DSC2: variants seen among roughly 807,000 people sequenced by gnomAD.
DSC2 encodes desmocollin 2.
Under a neutral mutation model 87.6 loss-of-function variants are expected in DSC2, and 51 were observed. That is an observed-to-expected ratio of 0.58 (90% CI 0.46 to 0.74). DSC2 has a LOEUF of 0.74. DSC2 is among the 30% of genes least tolerant of loss of function. The probability of loss-of-function intolerance (pLI) is 0.00; values close to 1 mark genes in which losing one functional copy is unlikely to be tolerated. For synonymous variants in DSC2, 383 were observed against 393.2 expected (o/e 0.97, Z 0.31); for missense variants, 1,066 against 1,089.5 (o/e 0.98, Z 0.30).
Position 31,087,727 on chromosome 18 carries a change from G to A in DSC2, c.717C>T (p.Asn239=), listed in dbSNP as rs768598370. The A allele has an allele frequency of 2.5e-6, 4 of 1,613,770 alleles. No homozygotes were observed. The South Asian group carries it at 4.4e-5, about 18-fold the overall frequency. ...LIIKIEDEND[N]YPIFTEETYT... is the part of the protein sequence containing the mutation. ...AAGTTTCTTCTGTAAAAATTGGGTA[G>A]TTATCATTTTCATCCTCTATTTTGA... is the stretch of plus-strand genomic sequence containing the variant. The change falls in exon 6 of 16, where the codon AAC becomes AAT. Residue 239 remains asparagine, a synonymous_variant. Transcript: ENST00000280904.
In DSC2 at chr18:31,067,615, CTT is replaced by C. The variant is rs1986667710; in HGVS notation, c.*398_*399del. 4.6e-6 allele frequency: 1 copy of C among 215,948 alleles called. No individual in the cohort carries two copies. The highest frequency in any genetic ancestry group is 2.4e-5 in the African/African-American group (1 of 42,016). 13.4% of individuals were successfully genotyped at this position (215,948 alleles called of 1,614,324 possible). On this transcript the variant is annotated 3_prime_UTR_variant, in exon 16 of 16. Coordinates refer to ENST00000280904, the MANE Select transcript of DSC2 (RefSeq NM_024422.6). ...ACAGTTTCCAAGCACCACATGAACA[CTT>C]AATTAACTGGAGATAATGTTAAAGC... is the stretch of plus-strand genomic sequence containing the variant.
chr18:31,090,610 T>G (rs1280933029), intron 4 of DSC2, among the ~76,000 whole-genome samples: 1 of 151,974 alleles, frequency 6.6e-6, no homozygotes, highest in Non-Finnish European at 1.5e-5. Flanking sequence ...GAAAGAAATG[T>G]GGATCCAGTG....
Position 31,092,100 on chromosome 18 carries a change from C to A in DSC2, c.354+1G>T, listed in dbSNP as rs764016208. The A allele has an allele frequency of 6.2e-7, 1 of 1,610,580 alleles. No individual in the cohort carries two copies. Reference sequence around the variant, plus strand: ...TTCTTCATTTATGTAGCCTTGTATACCTTTGTTTGATGCTCCAAAAAGACA... The same window carrying A: ...TTCTTCATTTATGTAGCCTTGTATAACTTTGTTTGATGCTCCAAAAAGACA... On this transcript the variant is annotated splice_donor_variant, in intron 3 of 15. Transcript: ENST00000280904. LOFTEE classifies it high-confidence loss of function.
chr18:31,081,473 A>G (rs1486390037), intron 9 of DSC2, among the ~76,000 whole-genome samples: 2 of 152,206 alleles, frequency 1.3e-5, no homozygotes, highest in African/African-American at 4.8e-5. Flanking sequence ...AAGAGACAAG[A>G]TTTAAAGGAA....
rs61731921 is a variant in DSC2 at position 31,069,009 on chromosome 18, C to T, written c.2393G>A (p.Arg798Gln). The T allele has an allele frequency of 0.046, 73,921 of 1,613,980 alleles. 2,177 individuals are homozygous for T. Among genetic ancestry groups the T allele is most frequent in the South Asian group, 0.077 (7,036 of 91,074 alleles). Reference protein sequence around the residue: ...KGGHQTSESCRGAGHHHTLDS... With the variant: ...KGGHQTSESCQGAGHHHTLDS... ...CAGGGTGTGATGGTGGCCAGCCCCCCGGCAGGATTCCGAGGTCTGGTGTCC... is the reference window on the plus strand; with the variant it reads ...CAGGGTGTGATGGTGGCCAGCCCCCTGGCAGGATTCCGAGGTCTGGTGTCC... The change falls in exon 15 of 16, where the codon CGG (arginine) becomes CAG (glutamine). Residue 798 changes from arginine to glutamine, a missense_variant. Arg to Gln is a conservative substitution (Grantham distance 43, BLOSUM62 1). Coordinates refer to ENST00000280904, the MANE Select transcript of DSC2 (RefSeq NM_024422.6).
intron 1 of DSC2, among the ~76,000 whole-genome samples, chr18:31,094,075 A>G (rs1312689312): frequency 6.6e-6 from 1 of 152,114 alleles, no homozygotes; most frequent in African/African-American, 2.4e-5. Flanking sequence ...TAATAACTTC[A>G]CTGATTAACT....
At position 31,082,124 on chromosome 18, in the gene DSC2, T is replaced by G. The variant is rs533207136; in HGVS notation, c.1263+114A>C. ...ATATGAAGAACAGAGCATTTGCATT[T>G]ACTTATATACCTATTTTATTCTACA... On this transcript the variant is annotated intron_variant, in intron 9 of 15. Coordinates refer to ENST00000280904, the MANE Select transcript of DSC2 (RefSeq NM_024422.6). The G allele has an allele frequency of 7.4e-5, 69 of 937,070 alleles. No homozygotes were observed. The African/African-American group carries it at 1.1e-3, about 14-fold the overall frequency. The allele number at this position is 937,070 out of a possible 1,614,324, so 58.0% of individuals were successfully genotyped here. A position where few individuals can be genotyped will look rare whatever the true frequency, so the allele number is the denominator to read the frequency against.
intron 9 of DSC2, among the ~76,000 whole-genome samples, chr18:31,080,967 A>G (rs1987200499): frequency 6.6e-6 from 1 of 152,208 alleles, no homozygotes; most frequent in African/African-American, 2.4e-5. Flanking sequence ...TTGTTCTTCA[A>G]CTGCAAATTT....
chr18:31,079,797 G>A, intron 11 of DSC2, 50 bp downstream of exon 11: 6 of 1,607,420 alleles, frequency 3.7e-6, no homozygotes, highest in Non-Finnish European at 5.1e-6. Flanking sequence ...AAACACTGAA[G>A]ATGTATGTAG....
intron 1 of DSC2, among the ~76,000 whole-genome samples, chr18:31,099,594 A>G (rs978353395): frequency 6.6e-6 from 1 of 151,620 alleles, no homozygotes; most frequent in Non-Finnish European, 1.5e-5. Flanking sequence ...AGAAAGATTA[A>G]AAAAAAAGGC....
intron 11 of DSC2, among the ~76,000 whole-genome samples, chr18:31,077,896 C>G (rs906464490): frequency 2.0e-5 from 3 of 152,136 alleles, no homozygotes; most frequent in Non-Finnish European, 4.4e-5. Flanking sequence ...CTGGGTAAAG[C>G]TGCCCACACA....
In DSC2 at chr18:31,067,956, T is replaced by C. The variant is rs1986680063; in HGVS notation, c.*59A>G. 1.3e-6 allele frequency: 2 copies of C among 1,543,094 alleles called. No individual in the cohort carries two copies. The highest frequency in any genetic ancestry group is 1.8e-6 in the Non-Finnish European group (2 of 1,121,982). ...TCTTCTGCTTTAAAAAATTCTTGGT[T>C]TGTAATTTTTTTTAAAAGTCATAAA... On this transcript the variant is annotated 3_prime_UTR_variant, in exon 16 of 16. Coordinates refer to ENST00000280904, the MANE Select transcript of DSC2 (RefSeq NM_024422.6).
chr18:31,087,526 C>T, intron 6 of DSC2, 143 bp downstream of exon 6: 1 of 983,538 alleles, frequency 1.0e-6, no homozygotes, highest in East Asian at 2.4e-5. Context: ...CATCACACAG[C>T]TAGTGAAACA....
chr18:31,096,160 GA>G (rs1278621730), intron 1 of DSC2, among the ~76,000 whole-genome samples: 1 of 152,132 alleles, frequency 6.6e-6, no homozygotes, highest in Non-Finnish European at 1.5e-5. Flanking sequence ...CCAATGTGGA[GA>G]ATGGAAAAAA....
At chr18:31,078,786 A>G (rs1987104423) in intron 11 of DSC2, among the ~76,000 whole-genome samples, 1 of 152,190 alleles carries the variant, frequency 6.6e-6, no homozygotes, top group South Asian at 2.1e-4. Flanking sequence ...AAGTTATAGT[A>G]TAATAATTTG....
At chr18:31,101,784 CAGAGG>C in intron 1 of DSC2, 114 bp downstream of exon 1, 2 of 1,016,040 alleles carry the variant, frequency 2.0e-6, no homozygotes, top group African/African-American at 1.7e-5. Flanking sequence ...TCTAGCCACC[CAGAGG>C]CCCCTTCACC....
rs1986808764 is a variant in DSC2 at position 31,070,955 on chromosome 18, T to A, written c.2126-105A>T. ...AAATCATAAACTTAAAAGTGTATAT[T>A]AAAAGAAGACAGCTTTCCTGGATTG... On this transcript the variant is annotated intron_variant, in intron 13 of 15. Transcript: ENST00000280904. The A allele has an allele frequency of 2.2e-6, 3 of 1,383,260 alleles. No homozygotes were observed. The South Asian group carries it at 3.7e-5, about 17-fold the overall frequency. The allele number at this position is 1,383,260 out of a possible 1,614,324, so 85.7% of individuals were successfully genotyped here.
At chr18:31,100,698 C>T (rs955042000) in intron 1 of DSC2, among the ~76,000 whole-genome samples, 4 of 152,144 alleles carry the variant, frequency 2.6e-5, no homozygotes, top group African/African-American at 9.7e-5. Context: ...GGAAATTATA[C>T]GAATATTTCA....
Position 31,068,097 on chromosome 18 carries a change from C to G in DSC2, c.2624G>C (p.Arg875Pro). ...VAGSVGCCSERQEEDGLEFLD... is the reference protein window; with the variant it reads ...VAGSVGCCSEPQEEDGLEFLD... ...AAATTCAAGCCCATCTTCTTCTTGTCGTTCACTGCAACAACCTACAGACCC... is the reference window on the plus strand; with the variant it reads ...AAATTCAAGCCCATCTTCTTCTTGTGGTTCACTGCAACAACCTACAGACCC... The change falls in exon 16 of 16, where the codon CGA (arginine) becomes CCA (proline). Residue 875 changes from arginine to proline, a missense_variant. Coordinates refer to ENST00000280904, the MANE Select transcript of DSC2 (RefSeq NM_024422.6). 6.2e-7 allele frequency: 1 copy of G among 1,614,046 alleles called. No individual in the cohort carries two copies.
Sources: allele counts gnomAD v4.1 joint callset (sites outside exome capture counted in the v4.1 genomes callset), GRCh38; gene constraint gnomAD v4.1.1; transcripts MANE v1.5; gene names NCBI Gene and HGNC (gene_info 2026-07-23, HGNC 2026-07-21).